Variants in KCNC4 observed in about 807,000 individuals in gnomAD.
The protein encoded by KCNC4 is voltage-gated potassium channel KCNC4.
KCNC4 carries 23 observed loss-of-function variants against 42.8 expected under a neutral mutation model. The ratio of observed to expected loss-of-function variants is 0.54; its 90% CI spans 0.39 to 0.76. The LOEUF (loss-of-function observed/expected upper bound fraction) is 0.76, where lower values mean the gene tolerates loss of function less well. KCNC4 is among the 30% of genes least tolerant of loss of function. KCNC4 has a pLI of 0.00. For missense variants in KCNC4, 751 were observed against 898.2 expected, an observed-to-expected ratio of 0.84 and a Z score of 2.10; for synonymous variants, 422 against 393.5, an observed-to-expected ratio of 1.07 and a Z score of -0.86.
downstream of KCNC4, among the ~76,000 whole-genome samples, chr1:110,252,275 T>A (rs1319636561): frequency 6.6e-6 from 1 of 152,188 alleles, no homozygotes; most frequent in Non-Finnish European, 1.5e-5. Context: ...TTAAAATGAT[T>A]TCTTTTTCTT....
chr1:110,225,938 C>T lies in KCNC4; in HGVS notation c.1616-37C>T, dbSNP rs374975017. 8 of 1,538,228 alleles carry T rather than the reference C, an allele frequency of 5.2e-6. No homozygotes were observed. In the African/African-American group the frequency reaches 9.6e-5, roughly 18 times the overall value. ...TGACCCATGAGCAAGGCTCAGGTCGCCCCTCATGCAGCCTCCTTTCTGTGT... is the reference window on the plus strand; with the variant it reads ...TGACCCATGAGCAAGGCTCAGGTCGTCCCTCATGCAGCCTCCTTTCTGTGT... On this transcript the variant is annotated intron_variant, in intron 2 of 3. Coordinates refer to ENST00000438661, the MANE Select transcript of KCNC4 (RefSeq NM_001039574.3).
chr1:110,223,360 A>C lies in KCNC4; in HGVS notation c.1075A>C (p.Lys359Gln). The change falls in exon 2 of 4, where the codon AAG becomes CAG. Residue 359 changes from lysine (K) to glutamine (Q), a missense_variant. Lys to Gln is a moderately conservative substitution (Grantham distance 53). Coordinates refer to ENST00000438661, the MANE Select transcript of KCNC4 (RefSeq NM_001039574.3). The surrounding 1 kb of genome is among the most constrained non-coding windows in gnomAD (Gnocchi z 7.5). ...CTTCGTGCGCATCCTGCGTATCTTC[A>C]AGCTCACACGCCACTTCGTGGGGCT... ...VRFVRILRIF[K>Q]LTRHFVGLRV... 2.5e-6 allele frequency: 4 copies of C among 1,613,768 alleles called. No homozygotes were observed. The highest frequency in any genetic ancestry group is 3.4e-6 in the Non-Finnish European group (4 of 1,179,820).
Position 110,210,404 on chromosome 1 carries a change from T to C in KCNC4, c.-1096T>C, listed in dbSNP as rs1235775816. Among the ~76,000 whole-genome samples the C allele has an allele frequency of 6.6e-6, 1 of 151,526 alleles. No individual in the cohort carries two copies. The highest frequency in any genetic ancestry group is 2.4e-5 in the African/African-American group (1 of 41,358). ...CGGCGCCGAGGCGCCCCCTCCCCTA[T>C]GCCACCTCGCGCCCGCCCCCTGCCG... On this transcript the variant is annotated 5_prime_UTR_variant, in exon 1 of 4. The change abolishes an upstream ATG in the 5' untranslated region. Coordinates refer to ENST00000438661, the MANE Select transcript of KCNC4 (RefSeq NM_001039574.3).
At chr1:110,231,688 A>C (rs1286707213) in intron 3 of KCNC4, among the ~76,000 whole-genome samples, 1 of 152,142 alleles carries the variant, frequency 6.6e-6, no homozygotes, top group Non-Finnish European at 1.5e-5. Context: ...ACAGGGCAAG[A>C]CCACAGCTCT....
intron 1 of KCNC4, among the ~76,000 whole-genome samples, chr1:110,277,444 C>A (rs755167393): frequency 3.3e-5 from 5 of 152,224 alleles, no homozygotes; most frequent in Non-Finnish European, 7.3e-5. Flanking sequence ...TATTCCATCA[C>A]CTTACCTGTC....
rs1319020395 is a variant in KCNC4 at position 110,223,695 on chromosome 1, C to T, written c.1410C>T (p.Val470=). The T allele has an allele frequency of 7.4e-6, 12 of 1,614,004 alleles. No homozygotes were observed. Among genetic ancestry groups the T allele is most frequent in the African/African-American group, 1.3e-5 (1 of 74,906 alleles). The change falls in exon 2 of 4, where the codon GTC becomes GTT. Residue 470 remains valine, a synonymous_variant. Transcript: ENST00000438661. The surrounding 1 kb of genome is among the most constrained non-coding windows in gnomAD (Gnocchi z 7.5). ...GVLTIAMPVP[V]IVNNFGMYYS... The stretch of plus-strand genomic sequence containing the variant: ...TCACCATCGCCATGCCGGTGCCTGT[C>T]ATCGTCAACAACTTCGGCATGTACT...
At position 110,277,621 on chromosome 1, in the gene KCNC4, A is replaced by C. The variant is rs969505628; in HGVS notation, n.31-4913A>C. On this transcript the variant is annotated intron_variant and non_coding_transcript_variant, in intron 1 of 2. Coordinates refer to the KCNC4 transcript ENST00000412512. ...TGCTTCTATCTCCAAAACCTGGTAC[A>C]CGCTGTTCTAAACCAGATTCCAGGA... 2.6e-5 allele frequency among the ~76,000 whole-genome samples: 4 copies of C among 152,212 alleles called. No homozygotes were observed. The East Asian group carries it at 7.7e-4, about 29-fold the overall frequency.
exon 4 of KCNC4, chr1:110,244,954 G>T (rs705293): frequency 1.3e-5 from 2 of 152,136 alleles, no homozygotes; most frequent in African/African-American, 4.8e-5. Flanking sequence ...GATCCTGTGT[G>T]CCTCCTACTT....
At chr1:110,264,486 C>A (rs1013390610) in intron 1 of KCNC4, among the ~76,000 whole-genome samples, 19 of 152,092 alleles carry the variant, frequency 1.2e-4, no homozygotes, top group African/African-American at 4.1e-4. Flanking sequence ...AGTCCTTAGT[C>A]CCCCCTTATC....
At chr1:110,224,121 C>T in intron 2 of KCNC4, 1 of 563,648 alleles carries the variant, frequency 1.8e-6, no homozygotes, top group South Asian at 2.4e-5. Flanking sequence ...GTGAGTATTC[C>T]ACCCAGGGTA....
intron 1 of KCNC4, among the ~76,000 whole-genome samples, chr1:110,269,005 C>A (rs1203757631): frequency 6.6e-6 from 1 of 152,068 alleles, no homozygotes; most frequent in Non-Finnish European, 1.5e-5. Flanking sequence ...CGTGAGCCAC[C>A]GCGCCCGGCC....
At chr1:110,246,366 C>T (rs1659145385) in exon 4 of KCNC4, 2 of 152,220 alleles carry the variant, frequency 1.3e-5, no homozygotes, top group Admixed American at 6.5e-5. Flanking sequence ...CAGACTTCAT[C>T]CCCATTTACA....
At chr1:110,238,506 CATTT>C (rs1490285321), downstream of KCNC4, 1 of 152,218 alleles carries the variant, frequency 6.6e-6, no homozygotes, top group Admixed American at 6.5e-5. Context: ...TCCATTCATT[CATTT>C]GTTCATTCAT....
chr1:110,258,479 G>A (rs538213889), intron 1 of KCNC4, among the ~76,000 whole-genome samples: 9 of 152,168 alleles, frequency 5.9e-5, no homozygotes, highest in Non-Finnish European at 1.0e-4. Context: ...CTCATGATCC[G>A]CCCGCCTCAG....
intron 1 of KCNC4, among the ~76,000 whole-genome samples, chr1:110,268,822 A>G (rs1294877122): frequency 1.3e-5 from 2 of 148,502 alleles, no homozygotes; most frequent in African/African-American, 2.5e-5. Context: ...CCGCCTCCCG[A>G]GTTCACTCCA....
chr1:110,229,320 G>C (rs141313956), intron 3 of KCNC4, among the ~76,000 whole-genome samples: 1 of 152,170 alleles, frequency 6.6e-6, no homozygotes, highest in Non-Finnish European at 1.5e-5. Flanking sequence ...GGCTTGGGGC[G>C]CAGGTAGGGG....
intron 1 of KCNC4, among the ~76,000 whole-genome samples, chr1:110,271,129 C>A (rs1659626911): frequency 6.6e-6 from 1 of 152,128 alleles, no homozygotes; most frequent in Non-Finnish European, 1.5e-5. Context: ...GGGCTAGATG[C>A]CACTCAGACC....
At chr1:110,246,922 C>T (rs1446524763) in exon 4 of KCNC4, 1 of 151,968 alleles carries the variant, frequency 6.6e-6, no homozygotes, top group East Asian at 1.9e-4. Flanking sequence ...CCCTCTCCCA[C>T]CCTCTCTCCC....
intron 1 of KCNC4, among the ~76,000 whole-genome samples, chr1:110,260,169 T>C (rs1396672265): frequency 6.6e-6 from 1 of 152,236 alleles, no homozygotes; most frequent in Non-Finnish European, 1.5e-5. Context: ...GAGAAGTCCC[T>C]GAGAATTAAA....
Sources: gnomAD v4.1 joint callset for allele counts (sites outside exome capture counted in the v4.1 genomes callset) on GRCh38, gnomAD v4.1.1 for gene constraint, Gnocchi (gnomAD v3.1) non-coding constraint, MANE v1.5 for transcripts, NCBI Gene and HGNC (gene_info 2026-07-23, HGNC 2026-07-21) for gene names.